Variants in DHX33 observed in about 807,000 individuals in gnomAD.
The protein encoded by DHX33 is ATP-dependent RNA helicase DHX33.
In DHX33, 42 loss-of-function variants were observed where a neutral mutation model predicts 72.5. The ratio of observed to expected loss-of-function variants is 0.58; its 90% CI spans 0.45 to 0.75. The LOEUF (loss-of-function observed/expected upper bound fraction) is 0.75. Among genes scored for constraint, DHX33 ranks in the 30% least tolerant of loss-of-function variants. The probability of loss-of-function intolerance (pLI) is 0.00; values close to 1 mark genes in which losing one functional copy is unlikely to be tolerated. For synonymous variants in DHX33, 358 were observed against 366.1 expected (o/e 0.98, Z 0.25); for missense variants, 842 against 917.5 (o/e 0.92, Z 1.06).
At chr17:5,463,777 T>C (rs937562474) in intron 1 of DHX33, 88 bp from the exon 2 acceptor site, 1 of 1,337,616 alleles carries the variant, frequency 7.5e-7, no homozygotes, top group Non-Finnish European at 9.9e-7. Flanking sequence ...TCTCAGCACT[T>C]TGGGAGGCCG....
At chr17:5,446,672 T>G (rs1179615259) in intron 11 of DHX33, among the ~76,000 whole-genome samples, 5 of 152,204 alleles carry the variant, frequency 3.3e-5, no homozygotes. Context: ...GTACGTCAGG[T>G]CACCATCTAG....
chr17:5,452,040 G>T (rs1428891552), intron 8 of DHX33, among the ~76,000 whole-genome samples: 1 of 151,422 alleles, frequency 6.6e-6, no homozygotes, highest in African/African-American at 2.4e-5. Flanking sequence ...AAATATGGAA[G>T]AGTGGGTACC....
intron 3 of DHX33, 60 bp from the exon 4 acceptor site, chr17:5,461,169 C>T: frequency 3.3e-6 from 5 of 1,529,548 alleles, no homozygotes; most frequent in Non-Finnish European, 4.4e-6. Context: ...TTTCCGTGTC[C>T]CTCTCGAGCC....
At chr17:5,451,067 G>T in intron 8 of DHX33, 133 bp from the exon 9 acceptor site, 1 of 983,764 alleles carries the variant, frequency 1.0e-6, no homozygotes, top group South Asian at 1.6e-5. Flanking sequence ...CTGCCCCCTT[G>T]ACACACTTGT....
At chr17:5,465,038 A>G (rs1413102070) in intron 1 of DHX33, among the ~76,000 whole-genome samples, 1 of 152,226 alleles carries the variant, frequency 6.6e-6, no homozygotes, top group Non-Finnish European at 1.5e-5. Context: ...ACCAGAAGGG[A>G]AGCTCCCAGA....
In DHX33 at chr17:5,468,732, C is replaced by A; in HGVS notation, c.128G>T (p.Arg43Ile). 2 of 1,610,944 alleles carry A rather than the reference C, an allele frequency of 1.2e-6. No individual in the cohort carries two copies. The highest frequency in any genetic ancestry group is 2.2e-5 in the South Asian group (2 of 90,854). Residue 43 changes from arginine to isoleucine, a missense_variant, in exon 1 of 12, where the codon AGA (arginine) becomes ATA (isoleucine). Physicochemically the swap from Arg to Ile is moderately conservative, Grantham distance 97. Coordinates refer to ENST00000225296, the MANE Select transcript of DHX33 (RefSeq NM_020162.4). ...CTGCCTCCGGCCTCCTCCTCCTCCT[C>A]TGCCGCCGCTGCCCGCAGTCAGCAG... ...VMLLTAGSGG[R>I]GGGGGRRQQP... is the part of the protein sequence containing the mutation.
intron 2 of DHX33, among the ~76,000 whole-genome samples, 159 bp downstream of exon 2, chr17:5,463,370 C>T (rs182344993): frequency 1.3e-5 from 2 of 152,218 alleles, no homozygotes; most frequent in East Asian, 3.9e-4. Context: ...CCAATAGAGC[C>T]CCTGATCTCT....
rs751276423 is a variant in DHX33 at position 5,456,129 on chromosome 17, G to T, written c.903C>A (p.Ile301=). 3 of 1,614,034 alleles carry T rather than the reference G, an allele frequency of 1.9e-6. No homozygotes were observed. The highest frequency in any genetic ancestry group is 2.2e-5 in the South Asian group (2 of 91,078). Residue 301 remains isoleucine, a synonymous_variant, in exon 5 of 12, where the codon ATC becomes ATA. Transcript: ENST00000225296. The stretch of plus-strand genomic sequence containing the variant: ...CTCGGCACGTCTTGCTCATGGCTTC[G>T]ATCTCCTCCTGCCCAGTGAGGAACA... ...ILVFLTGQEE[I]EAMSKTCRDI...
intron 11 of DHX33, among the ~76,000 whole-genome samples, chr17:5,447,680 CA>C (rs920219074): frequency 7.2e-5 from 11 of 152,186 alleles, no homozygotes; most frequent in Admixed American, 5.2e-4. Flanking sequence ...CAATATCTAA[CA>C]AAATCCAAAT....
intron 4 of DHX33, among the ~76,000 whole-genome samples, chr17:5,459,462 T>C (rs1567602096): frequency 1.3e-5 from 2 of 152,110 alleles, no homozygotes; most frequent in African/African-American, 4.8e-5. Context: ...TGAGATAGGA[T>C]CTTGCTCTGT....
intron 8 of DHX33, among the ~76,000 whole-genome samples, chr17:5,451,709 T>C (rs1418810812): frequency 6.6e-6 from 1 of 152,188 alleles, no homozygotes; most frequent in African/African-American, 2.4e-5. Context: ...TAAAAAAGCA[T>C]TTCTAAGGAT....
rs1306860669 is a variant in DHX33 at position 5,448,739 on chromosome 17, A to G, written c.1815+70T>C. 5.9e-6 allele frequency: 7 copies of G among 1,195,740 alleles called. No individual in the cohort carries two copies. In the African/African-American group the frequency reaches 9.4e-5, roughly 16 times the overall value. 74.1% of individuals were successfully genotyped at this position (1,195,740 alleles called of 1,614,324 possible). The stretch of plus-strand genomic sequence containing the variant: ...CCTTTTATAATCACTAGCAATAAGC[A>G]ACTTCAAAATTTCTACCTTGAACAA... On this transcript the variant is annotated intron_variant, in intron 11 of 11. Transcript: ENST00000225296.
In DHX33 at chr17:5,461,035, T is replaced by C; in HGVS notation, c.753A>G (p.Leu251=). ...QYFNGAPVLY[L]EGRQHPIQVF... is the part of the protein sequence containing the mutation. ...CCTGGATCGGATGCTGCCGACCCTC[T>C]AGGTAGAGGACGGGGGCGCCATTGA... Residue 251 remains leucine (L), a synonymous_variant, in exon 4 of 12, where the codon CTA becomes CTG. Transcript: ENST00000225296. The C allele has an allele frequency of 1.2e-6, 2 of 1,613,462 alleles. No individual in the cohort carries two copies. Among genetic ancestry groups the C allele is most frequent in the Non-Finnish European group, 1.7e-6 (2 of 1,179,722 alleles).
intron 4 of DHX33, among the ~76,000 whole-genome samples, chr17:5,460,690 A>G (rs999768895): frequency 3.9e-5 from 6 of 151,948 alleles, no homozygotes; most frequent in Non-Finnish European, 1.5e-5. Flanking sequence ...TATTTTTAGT[A>G]GAGATGGGGT....
At chr17:5,453,736 G>A (rs1917060121) in intron 7 of DHX33, 68 bp from the exon 8 acceptor site, 2 of 1,611,410 alleles carry the variant, frequency 1.2e-6, no homozygotes, top group African/African-American at 1.3e-5. Flanking sequence ...CCCTCATGGT[G>A]GAGTGTGAGT....
At chr17:5,463,296 T>C (rs936949958) in intron 2 of DHX33, among the ~76,000 whole-genome samples, 1 of 152,224 alleles carries the variant, frequency 6.6e-6, no homozygotes, top group African/African-American at 2.4e-5. Flanking sequence ...AGGCTTAAGA[T>C]GTTCAAGGAA....
Position 5,462,489 on chromosome 17 carries a change from G to A in DHX33, c.508C>T (p.Leu170=), listed in dbSNP as rs749256433. 19 of 1,614,212 alleles carry A rather than the reference G, an allele frequency of 1.2e-5. No individual in the cohort carries two copies. The highest frequency in any genetic ancestry group is 1.6e-5 in the Non-Finnish European group (19 of 1,180,040). The part of the protein sequence containing the change: ...VTSEDTRIKF[L]TDGMLLREAI... ...TCACGCAGAAGCATGCCATCTGTCA[G>A]AAACTTGATCCTGGTGTCTTCTGAG... The change falls in exon 3 of 12, where the codon CTG becomes TTG. Residue 170 remains leucine (L), a synonymous_variant. Coordinates refer to ENST00000225296, the MANE Select transcript of DHX33 (RefSeq NM_020162.4).
At position 5,450,203 on chromosome 17, in the gene DHX33, CT is replaced by C; in HGVS notation, c.1727del (p.Lys576ArgfsTer14). 1 of 1,614,168 alleles carries C rather than the reference CT, an allele frequency of 6.2e-7. No individual in the cohort carries two copies. Among genetic ancestry groups the C allele is most frequent in the Non-Finnish European group, 8.5e-7 (1 of 1,180,034 alleles). ...YRTFKNLGGN[K>X]DWCKENFVNS... ...AGAACAGGTGCAAGACAAGGCTCAC[CT>C]TATTTCCGCCTAGGTTTTTGAAGGT... On this transcript the variant is annotated frameshift_variant and splice_region_variant, in exon 10 of 12. Transcript: ENST00000225296. LOFTEE classifies it high-confidence loss of function.
chr17:5,453,593 C>T lies in DHX33; in HGVS notation c.1383G>A (p.Ser461=), dbSNP rs16954697. The T allele has an allele frequency of 0.15, 234,914 of 1,613,558 alleles. 18,543 individuals are homozygous for T. The highest frequency in any genetic ancestry group is 0.24 in the African/African-American group (18,200 of 74,976). The stretch of plus-strand genomic sequence containing the variant: ...GATTTCACTTACCTGGAGATGGCTT[C>T]GACATGAAGTCAAAGGTGAGCACAT... ...VPNVLTFDFM[S]KPSPDHIQAA... is the part of the protein sequence containing the mutation. Residue 461 remains serine (S), a synonymous_variant, in exon 8 of 12, where the codon TCG becomes TCA. Coordinates refer to ENST00000225296, the MANE Select transcript of DHX33 (RefSeq NM_020162.4).
Sources: allele counts gnomAD v4.1 joint callset (sites outside exome capture counted in the v4.1 genomes callset), GRCh38; gene constraint gnomAD v4.1.1; transcripts MANE v1.5; gene names NCBI Gene and HGNC (gene_info 2026-07-23, HGNC 2026-07-21).